KLRG2: variants seen among roughly 807,000 people sequenced by gnomAD.
The protein encoded by KLRG2 is killer cell lectin like receptor G2, also known as killer cell lectin-like receptor subfamily G member 2.
Under a neutral mutation model 35.4 loss-of-function variants are expected in KLRG2, and 39 were observed. The observed-to-expected ratio is 1.10, with a 90% CI of 0.85 to 1.44. The LOEUF is 1.44. KLRG2 is among the 40% of genes most tolerant of loss of function. The probability of loss-of-function intolerance (pLI) is 0.00; values close to 1 mark genes in which losing one functional copy is unlikely to be tolerated. For synonymous variants in KLRG2, 283 were observed against 265.8 expected, an observed-to-expected ratio of 1.06 and a Z score of -0.63; for missense variants, 632 against 570.9, an observed-to-expected ratio of 1.11 and a Z score of -1.09.
chr7:139,459,592 T>G (rs551973506), intron 3 of KLRG2, among the ~76,000 whole-genome samples: 18 of 152,344 alleles, frequency 1.2e-4, no homozygotes, highest in Non-Finnish European at 2.5e-4. Context: ...GCCCAGGCGC[T>G]GAGCAGAAAC....
chr7:139,476,961 T>C (rs1796860906), intron 3 of KLRG2, among the ~76,000 whole-genome samples: 1 of 152,208 alleles, frequency 6.6e-6, no homozygotes, highest in South Asian at 2.1e-4. Context: ...GGCTGTGCTA[T>C]TCTGGCTCAT....
intron 3 of KLRG2, among the ~76,000 whole-genome samples, chr7:139,474,781 CAAAAT>C (rs934415175): frequency 1.3e-5 from 2 of 151,974 alleles, no homozygotes; most frequent in African/African-American, 4.8e-5. Flanking sequence ...ATAAATAAAA[CAAAAT>C]AAAATAAAAT....
chr7:139,439,436 G>A, the KLRG2 span, among the ~76,000 whole-genome samples: 1 of 152,190 alleles, frequency 6.6e-6, no homozygotes. Context: ...GGTTGGAGCA[G>A]GGAGAGACCA....
At chr7:139,450,973 A>G (rs1045545382), downstream of KLRG2, among the ~76,000 whole-genome samples, 5 of 152,154 alleles carry the variant, frequency 3.3e-5, no homozygotes, top group African/African-American at 1.2e-4. Context: ...CTGCCATGCT[A>G]TGAGGAAGTC....
At chr7:139,445,781 G>GTGTATATATATATATATATATATATATA in the KLRG2 span, among the ~76,000 whole-genome samples, 18 of 98,456 alleles carry the variant, frequency 1.8e-4, no homozygotes, top group African/African-American at 1.4e-3. Flanking sequence ...ATATATATAT[G>GTGTATATATATATATATATATATATATA]TATATATATA....
downstream of KLRG2, among the ~76,000 whole-genome samples, chr7:139,449,778 C>T (rs1237976752): frequency 6.9e-6 from 1 of 145,594 alleles, no homozygotes; most frequent in African/African-American, 2.5e-5. Flanking sequence ...TGGCTCACTG[C>T]AAGCTCCACC....
At chr7:139,440,790 AT>A in the KLRG2 span, among the ~76,000 whole-genome samples, 1 of 152,164 alleles carries the variant, frequency 6.6e-6, no homozygotes, top group Admixed American at 6.6e-5. Context: ...ATAAGTTCAC[AT>A]TAATAAGTAT....
At chr7:139,439,545 G>A in the KLRG2 span, among the ~76,000 whole-genome samples, 1 of 152,224 alleles carries the variant, frequency 6.6e-6, no homozygotes, top group Non-Finnish European at 1.5e-5. Flanking sequence ...GAGCAGAGCA[G>A]CCGACACTCA....
At chr7:139,436,222 G>A in the KLRG2 span, among the ~76,000 whole-genome samples, 1 of 152,036 alleles carries the variant, frequency 6.6e-6, no homozygotes, top group Non-Finnish European at 1.5e-5. Flanking sequence ...CTCTTAACCC[G>A]CACACTCTAC....
chr7:139,461,668 G>A (rs569661692), intron 3 of KLRG2, among the ~76,000 whole-genome samples: 9 of 150,688 alleles, frequency 6.0e-5, no homozygotes, highest in African/African-American at 1.7e-4. Context: ...TATGACCCCC[G>A]CCCCTGCCCG....
At chr7:139,474,924 C>T (rs764230094) in intron 3 of KLRG2, among the ~76,000 whole-genome samples, 3 of 152,168 alleles carry the variant, frequency 2.0e-5, no homozygotes, top group Non-Finnish European at 4.4e-5. Context: ...CTCTCTCTGA[C>T]CTTCTGCCCA....
At chr7:139,428,891 TAAAC>T in the KLRG2 span, among the ~76,000 whole-genome samples, 7 of 152,216 alleles carry the variant, frequency 4.6e-5, no homozygotes, top group African/African-American at 1.7e-4. Flanking sequence ...AACAATTTGA[TAAAC>T]ACATAAAGAG....
chr7:139,457,142 G>A (rs912208799), intron 3 of KLRG2, among the ~76,000 whole-genome samples: 5 of 152,196 alleles, frequency 3.3e-5, no homozygotes, highest in Admixed American at 6.5e-5. Flanking sequence ...AAAATGGAGA[G>A]TGGTGAGTGG....
chr7:139,480,324 C>T (rs966651994), intron 1 of KLRG2, 77 bp from the exon 2 acceptor site: 9 of 790,056 alleles, frequency 1.1e-5, no homozygotes, highest in Admixed American at 9.6e-5. Context: ...ACAGACACAG[C>T]ACACCAGCAT....
chr7:139,444,292 ACACT>A, the KLRG2 span, among the ~76,000 whole-genome samples: 1 of 152,096 alleles, frequency 6.6e-6, no homozygotes, highest in African/African-American at 2.4e-5. Flanking sequence ...AATCAAGTTG[ACACT>A]CAATATTAAC....
the KLRG2 span, among the ~76,000 whole-genome samples, chr7:139,440,019 C>A: frequency 6.6e-6 from 1 of 152,196 alleles, no homozygotes; most frequent in Admixed American, 6.6e-5. Context: ...TCTCTCCTGG[C>A]TACTGGTAGC....
intron 3 of KLRG2, among the ~76,000 whole-genome samples, chr7:139,476,551 T>C (rs1015837160): frequency 3.9e-5 from 6 of 152,046 alleles, no homozygotes; most frequent in Admixed American, 1.3e-4. Context: ...GCGATTCCCA[T>C]GCCTCAGCCT....
rs1043681235 is a variant in KLRG2, at chr7:139,453,206, A to G, written c.*381T>C. 13 of 383,358 alleles carry G rather than the reference A, an allele frequency of 3.4e-5. No homozygotes were observed. Among genetic ancestry groups the G allele is most frequent in the East Asian group, 1.8e-4 (4 of 21,740 alleles). The allele number at this position is 383,358 out of a possible 1,614,324, so 23.7% of individuals were successfully genotyped here. A position where few individuals can be genotyped will look rare whatever the true frequency, so the allele number is the denominator to read the frequency against. On this transcript the variant is annotated 3_prime_UTR_variant, in exon 5 of 5. Coordinates refer to ENST00000340940, the MANE Select transcript of KLRG2 (RefSeq NM_198508.4). ...ACTGAACAACGGCAGACTCATTTCCATGAGCCGGAATGAGAACCCAGATTG... is the reference window on the plus strand; with the variant it reads ...ACTGAACAACGGCAGACTCATTTCCGTGAGCCGGAATGAGAACCCAGATTG...
chr7:139,431,605 G>A, the KLRG2 span, among the ~76,000 whole-genome samples: 5 of 152,132 alleles, frequency 3.3e-5, no homozygotes, highest in African/African-American at 2.4e-5. Context: ...TGTGGCCTGC[G>A]ATCCGCTAGG....
Sources: gnomAD v4.1 joint callset for allele counts (sites outside exome capture counted in the v4.1 genomes callset) on GRCh38, gnomAD v4.1.1 for gene constraint, MANE v1.5 for transcripts, NCBI Gene and HGNC (gene_info 2026-07-23, HGNC 2026-07-21) for gene names.